KIF16B: variants seen among roughly 807,000 people sequenced by gnomAD.
KIF16B encodes the protein kinesin family member 16B.
In KIF16B, 98 loss-of-function variants were observed where a neutral mutation model predicts 156.3. The observed-to-expected ratio is 0.63, with a 90% CI of 0.53 to 0.74. KIF16B has a LOEUF of 0.74. Ranked by LOEUF, KIF16B falls within the 30% of genes least tolerant of loss-of-function variation. The pLI is 0.00. For missense variants in KIF16B, 1,421 were observed against 1,606.5 expected (o/e 0.88, Z 1.97); for synonymous variants, 564 against 583.7 (o/e 0.97, Z 0.49).
intron 23 of KIF16B, among the ~76,000 whole-genome samples, chr20:16,348,063 A>G (rs1278061938): frequency 6.6e-6 from 1 of 152,218 alleles, no homozygotes; most frequent in Non-Finnish European, 1.5e-5. Context: ...ATCTACCATC[A>G]AATTCTTCAG....
Position 16,379,175 on chromosome 20 carries a change from A to G in KIF16B, c.2827T>C (p.Tyr943His), listed in dbSNP as rs1292355068. 2.5e-6 allele frequency: 4 copies of G among 1,614,150 alleles called. No individual in the cohort carries two copies. The Admixed American group carries it at 5.0e-5, about 20-fold the overall frequency. ...TCTTCCATTTCCTTTTCTACTTGAT[A>G]AAGAGTGTTGTCTAAGCTGAGAGGG... ...RGPLSLDNTL[Y>H]QVEKEMEEKE... The change falls in exon 19 of 26, where the codon TAT (tyrosine) becomes CAT (histidine). Residue 943 changes from tyrosine to histidine, a missense_variant. Coordinates refer to ENST00000354981, the MANE Select transcript of KIF16B (RefSeq NM_024704.5).
chr20:16,507,816 A>C (rs968569632), intron 7 of KIF16B, 142 bp downstream of exon 7: 3 of 811,296 alleles, frequency 3.7e-6, no homozygotes, highest in Non-Finnish European at 6.0e-6. Flanking sequence ...GCACATGTTC[A>C]ACTCTAATTA....
chr20:16,277,376 C>T (rs1156304123), intron 25 of KIF16B, among the ~76,000 whole-genome samples: 1 of 151,536 alleles, frequency 6.6e-6, no homozygotes, highest in African/African-American at 2.4e-5. Flanking sequence ...CACTATCCTT[C>T]CAATAAAGAA....
At chr20:16,569,024 G>A in intron 1 of KIF16B, among the ~76,000 whole-genome samples, 1 of 151,976 alleles carries the variant, frequency 6.6e-6, no homozygotes, top group South Asian at 2.1e-4. Context: ...TGAGGTCCTT[G>A]TGAATGGGAT....
rs138951285 is a variant in KIF16B at position 16,567,489 on chromosome 20, C to T, written c.47+5740G>A. ...TTCTCTGATCGGCATTTCCCTGAGGCCATGGGCTTCTGTCATCTGTAAGCC... is the reference window on the plus strand; with the variant it reads ...TTCTCTGATCGGCATTTCCCTGAGGTCATGGGCTTCTGTCATCTGTAAGCC... On this transcript the variant is annotated intron_variant, in intron 1 of 25. Transcript: ENST00000354981. Among the ~76,000 whole-genome samples, 780 of 152,268 alleles carry T rather than the reference C, an allele frequency of 5.1e-3. 6 individuals are homozygous for T. The highest frequency in any genetic ancestry group is 0.018 in the African/African-American group (747 of 41,558).
chr20:16,380,331 A>AT (rs1411211910), intron 18 of KIF16B, among the ~76,000 whole-genome samples, 168 bp from the exon 19 acceptor site: 4 of 152,036 alleles, frequency 2.6e-5, no homozygotes, highest in African/African-American at 4.8e-5. Flanking sequence ...ATCCTGTTTA[A>AT]TTTTTTTTAT....
At chr20:16,331,320 G>T (rs1271854486) in intron 24 of KIF16B, among the ~76,000 whole-genome samples, 2 of 152,174 alleles carry the variant, frequency 1.3e-5, no homozygotes, top group Admixed American at 6.5e-5. Context: ...ACTGTTAAAA[G>T]TATATCCCCC....
chr20:16,573,172 A>G, intron 1 of KIF16B, 57 bp downstream of exon 1: 1 of 1,470,536 alleles, frequency 6.8e-7, no homozygotes, highest in East Asian at 2.5e-5. Flanking sequence ...AGCTGGAAAC[A>G]GGCTTCCTCT....
chr20:16,456,683 A>G (rs1420256095), intron 12 of KIF16B, among the ~76,000 whole-genome samples: 1 of 152,178 alleles, frequency 6.6e-6, no homozygotes, highest in African/African-American at 2.4e-5. Flanking sequence ...GACCTCAGAG[A>G]CCATGACATT....
intron 15 of KIF16B, among the ~76,000 whole-genome samples, chr20:16,409,719 C>G (rs543910843): frequency 6.6e-6 from 1 of 151,014 alleles, no homozygotes; most frequent in African/African-American, 2.4e-5. Context: ...AAAGAGGAGA[C>G]GGGGGTGAGG....
At chr20:16,558,081 C>A (rs1483921857) in intron 1 of KIF16B, among the ~76,000 whole-genome samples, 1 of 152,138 alleles carries the variant, frequency 6.6e-6, no homozygotes, top group African/African-American at 2.4e-5. Context: ...ACTGAGAAAG[C>A]CCACATTGAA....
At chr20:16,412,562 G>A (rs2065984786) in intron 15 of KIF16B, among the ~76,000 whole-genome samples, 1 of 152,108 alleles carries the variant, frequency 6.6e-6, no homozygotes, top group African/African-American at 2.4e-5. Context: ...AAGGTGGAAG[G>A]GGAAGCAAAC....
At chr20:16,552,704 A>T (rs889069449) in intron 1 of KIF16B, among the ~76,000 whole-genome samples, 3 of 152,210 alleles carry the variant, frequency 2.0e-5, no homozygotes, top group African/African-American at 7.2e-5. Flanking sequence ...TTTCATTATG[A>T]CACCAGCATA....
chr20:16,536,693 C>T (rs2147203318), intron 1 of KIF16B, among the ~76,000 whole-genome samples: 1 of 152,274 alleles, frequency 6.6e-6, no homozygotes, highest in East Asian at 1.9e-4. Context: ...TTCTTTGTTA[C>T]ATGTCTTCCT....
At chr20:16,432,354 C>T (rs1600382257) in intron 12 of KIF16B, among the ~76,000 whole-genome samples, 1 of 152,096 alleles carries the variant, frequency 6.6e-6, no homozygotes, top group African/African-American at 2.4e-5. Flanking sequence ...CAGAGATGCT[C>T]CTGGAGAATC....
chr20:16,409,342 G>C (rs2065863632), intron 15 of KIF16B, among the ~76,000 whole-genome samples: 1 of 152,040 alleles, frequency 6.6e-6, no homozygotes, highest in Non-Finnish European at 1.5e-5. Flanking sequence ...AAGGGAACAA[G>C]AGTGAGCACT....
intron 22 of KIF16B, chr20:16,369,154 C>G: frequency 1.0e-6 from 1 of 985,802 alleles, no homozygotes; most frequent in East Asian, 1.1e-4. Context: ...GGGATGATCC[C>G]AGTGGTCGTT....
intron 25 of KIF16B, among the ~76,000 whole-genome samples, chr20:16,284,443 T>C (rs1258226554): frequency 6.6e-6 from 1 of 152,212 alleles, no homozygotes; most frequent in African/African-American, 2.4e-5. Context: ...CTGGTCTGCA[T>C]GTATGTCCCG....
At chr20:16,497,784 G>GT (rs1206559102) in intron 10 of KIF16B, 106 bp from the exon 11 acceptor site, 13 of 868,012 alleles carry the variant, frequency 1.5e-5, no homozygotes, top group Non-Finnish European at 2.2e-5. Flanking sequence ...ACTATTAAAG[G>GT]TAAAAAGCAA....
Sources: allele counts gnomAD v4.1 joint callset (sites outside exome capture counted in the v4.1 genomes callset), GRCh38; gene constraint gnomAD v4.1.1; transcripts MANE v1.5; gene names NCBI Gene and HGNC (gene_info 2026-07-23, HGNC 2026-07-21).